VNN2: variants seen among roughly 807,000 people sequenced by gnomAD.
The protein encoded by VNN2 is vanin 2, also known as pantetheine hydrolase VNN2.
Under a neutral mutation model 43.0 loss-of-function variants are expected in VNN2, and 43 were observed. That is an observed-to-expected ratio of 1.00 (90% confidence interval 0.78 to 1.29). VNN2 has a LOEUF of 1.29. VNN2 is among the 50% of genes most tolerant of loss of function. VNN2 has a pLI of 0.00. For missense variants in VNN2, 652 were observed against 619.7 expected (o/e 1.05, Z -0.55); for synonymous variants, 230 against 224.3 (o/e 1.03, Z -0.23).
At position 132,751,490 on chromosome 6, in the gene VNN2, G is replaced by A. The variant is rs975090179; in HGVS notation, c.855C>T (p.Pro285=). The A allele has an allele frequency of 2.5e-6, 4 of 1,612,070 alleles. No individual in the cohort carries two copies. The highest frequency in any genetic ancestry group is 3.4e-6 in the Non-Finnish European group (4 of 1,178,778). ...TGSGIYAPNG[P]KVYHYDMKTE... ...TCTTCATGTCATAATGATACACTTT[G>A]GGACCATTTGGTGCATAAATACCAC... Residue 285 remains proline (P), a synonymous_variant, in exon 5 of 7, where the codon CCC becomes CCT. Coordinates refer to ENST00000326499, the MANE Select transcript of VNN2 (RefSeq NM_004665.6).
chr6:132,758,024 C>CTTT, upstream of VNN2: 1 of 70,894 alleles, frequency 1.4e-5, no homozygotes, highest in Non-Finnish European at 2.2e-5. Context: ...TCTTCTTCTT[C>CTTT]TTCTTCTTCT....
At chr6:132,761,566 G>A (rs923565455), upstream of VNN2, among the ~76,000 whole-genome samples, 6 of 151,992 alleles carry the variant, frequency 3.9e-5, no homozygotes, top group South Asian at 2.1e-4. Context: ...AGGCTGAGGC[G>A]GGAGAATTGC....
rs188359054 is a variant in VNN2 at position 132,752,605 on chromosome 6, G to C, written c.682C>G (p.His228Asp). Residue 228 changes from histidine (H) to aspartate (D), a missense_variant, in exon 4 of 7, where the codon CAT (histidine) becomes GAT (aspartate). By Grantham distance (81) the His-to-Asp change is moderately conservative (BLOSUM62 -1). Transcript: ENST00000326499. ...GTGGGAAACAGTATGGTGTCCACAT[G>C]GAAATCTTTCACCAGGGTAACACCA... ...DPGVTLVKDFHVDTILFPTAW... is the reference protein window; with the variant it reads ...DPGVTLVKDFDVDTILFPTAW... 6.2e-7 allele frequency: 1 copy of C among 1,614,102 alleles called. No individual in the cohort carries two copies. The highest frequency in any genetic ancestry group is 8.5e-7 in the Non-Finnish European group (1 of 1,180,024).
intron 3 of VNN2, chr6:132,752,968 T>G: frequency 2.0e-6 from 1 of 488,454 alleles, no homozygotes; most frequent in Non-Finnish European, 3.6e-6. Context: ...CTCTCCCTTC[T>G]CTCTCTTTCC....
At chr6:132,758,017 TCTTCTTCTTCTTCTTCTTC>T (rs1329022159), upstream of VNN2, 19 of 222,866 alleles carry the variant, frequency 8.5e-5, 2 homozygotes, top group Non-Finnish European at 1.1e-4. Context: ...TTCTTCTTCT[TCTTCTTCTTCTTCTTCTTC>T]TTCTTTTTTT....
At chr6:132,754,631 C>T (rs1277254073) in intron 3 of VNN2, among the ~76,000 whole-genome samples, 1 of 152,158 alleles carries the variant, frequency 6.6e-6, no homozygotes, top group Non-Finnish European at 1.5e-5. Flanking sequence ...CACACATATC[C>T]ATTTAAAAGG....
chr6:132,755,795 G>T, intron 3 of VNN2, 48 bp downstream of exon 3: 1 of 1,531,044 alleles, frequency 6.5e-7, no homozygotes, highest in South Asian at 1.2e-5. Context: ...ACCCAGCATT[G>T]ACCACTCACA....
intron 4 of VNN2, among the ~76,000 whole-genome samples, chr6:132,751,991 G>A (rs1780137003): frequency 1.3e-5 from 2 of 152,174 alleles, no homozygotes; most frequent in Non-Finnish European, 2.9e-5. Context: ...AAGTGATGGT[G>A]GGTAACTAGT....
intron 6 of VNN2, among the ~76,000 whole-genome samples, chr6:132,745,552 G>A (rs995055760): frequency 2.0e-5 from 3 of 152,246 alleles, no homozygotes; most frequent in Non-Finnish European, 2.9e-5. Flanking sequence ...GATCATGGCG[G>A]GAATATTGAC....
chr6:132,754,838 T>C (rs1276221387), intron 3 of VNN2, among the ~76,000 whole-genome samples: 3 of 152,234 alleles, frequency 2.0e-5, no homozygotes, highest in African/African-American at 4.8e-5. Flanking sequence ...AGCTGATTCA[T>C]ACAATTTTGA....
At chr6:132,750,592 A>T (rs544543477) in intron 5 of VNN2, among the ~76,000 whole-genome samples, 11 of 146,002 alleles carry the variant, frequency 7.5e-5, no homozygotes, top group African/African-American at 2.8e-4. Flanking sequence ...TGAACCTGGG[A>T]GGCAGAGGTT....
chr6:132,745,144 T>C (rs1376574679), intron 6 of VNN2, among the ~76,000 whole-genome samples: 2 of 152,158 alleles, frequency 1.3e-5, no homozygotes, highest in East Asian at 3.8e-4. Context: ...GAGCTAGTGG[T>C]GCACAGGCTC....
chr6:132,749,094 A>G lies in VNN2; in HGVS notation c.1371+601T>C, dbSNP rs368076100. Among the ~76,000 whole-genome samples the G allele has an allele frequency of 1.1e-4, 16 of 152,294 alleles. 2 individuals carry two copies. The highest frequency in any genetic ancestry group is 5.9e-4 in the Admixed American group (9 of 15,304). On this transcript the variant is annotated intron_variant, in intron 6 of 6. Coordinates refer to ENST00000326499, the MANE Select transcript of VNN2 (RefSeq NM_004665.6). ...TTCCAATGAAGTATCATCATTTTAT[A>G]ATTAGTTGTTATAAATTGAAAAAAT...
At chr6:132,758,041 T>TCTTCTTCTTC (rs1554219567), upstream of VNN2, 102 of 247,682 alleles carry the variant, frequency 4.1e-4, 3 homozygotes, top group African/African-American at 2.0e-3. Flanking sequence ...TTCTTCTTCT[T>TCTTCTTCTTC]TTTTTTTTTT....
At chr6:132,746,124 A>G (rs1779700484) in intron 6 of VNN2, among the ~76,000 whole-genome samples, 1 of 152,238 alleles carries the variant, frequency 6.6e-6, no homozygotes, top group Non-Finnish European at 1.5e-5. Flanking sequence ...GACTTTCCCA[A>G]GGTTATCTAA....
At position 132,749,800 on chromosome 6, in the gene VNN2, A is replaced by G. The variant is rs923146086; in HGVS notation, c.1266T>C (p.Ala422=). ...GGGAGAACATTTCAAATCTTGTAGA[A>G]GCAGTTTCTACTGGCCGTCCACAAG... ...LTTCGRPVET[A]STRFEMFSLS... is the part of the protein sequence containing the mutation. The change falls in exon 6 of 7, where the codon GCT becomes GCC. Residue 422 remains alanine, a synonymous_variant. Coordinates refer to ENST00000326499, the MANE Select transcript of VNN2 (RefSeq NM_004665.6). The G allele has an allele frequency of 1.9e-6, 3 of 1,614,138 alleles. No individual in the cohort carries two copies. Among genetic ancestry groups the G allele is most frequent in the African/African-American group, 2.7e-5 (2 of 75,050 alleles).
rs538879867 is a variant in VNN2 at position 132,750,994 on chromosome 6, A to T, written c.1200+151T>A. 8.3e-6 allele frequency: 7 copies of T among 843,754 alleles called. No individual in the cohort carries two copies. The South Asian group carries it at 1.1e-4, about 14-fold the overall frequency. The allele number at this position is 843,754 out of a possible 1,614,324, so 52.3% of individuals were successfully genotyped here. On this transcript the variant is annotated intron_variant, in intron 5 of 6. Transcript: ENST00000326499. ...CCAGTGTATGTACGTGCATAAATGC[A>T]CGTGTGTGTGTGTGTGTTGTGTGTG...
intron 3 of VNN2, 43 bp from the exon 4 acceptor site, chr6:132,752,792 T>C: frequency 1.3e-6 from 2 of 1,563,414 alleles, no homozygotes; most frequent in Non-Finnish European, 1.7e-6. Context: ...ACCTTATTTG[T>C]TGAAGAAATG....
At chr6:132,747,756 T>A (rs1326278556) in intron 6 of VNN2, among the ~76,000 whole-genome samples, 1 of 152,248 alleles carries the variant, frequency 6.6e-6, no homozygotes, top group African/African-American at 2.4e-5. Context: ...ACATTTGGGA[T>A]GAAATTTTTA....
Sources: allele counts gnomAD v4.1 joint callset (sites outside exome capture counted in the v4.1 genomes callset), GRCh38; gene constraint gnomAD v4.1.1; transcripts MANE v1.5; gene names NCBI Gene and HGNC (gene_info 2026-07-23, HGNC 2026-07-21).